CACNA1B: variants seen among roughly 807,000 people sequenced by gnomAD.
CACNA1B encodes voltage-dependent N-type calcium channel subunit alpha-1B.
A neutral mutation model predicts 247.2 loss-of-function variants in CACNA1B; 70 were observed. The observed-to-expected ratio is 0.28, with a 90% CI of 0.23 to 0.35. The LOEUF is 0.35. Ranked by LOEUF, CACNA1B falls within the 10% of genes least tolerant of loss-of-function variation. The pLI, the probability that CACNA1B is intolerant of heterozygous loss-of-function variation, is 1.00. For synonymous variants in CACNA1B, 1,231 were observed against 1,294.4 expected (o/e 0.95, Z 1.05); for missense variants, 2,367 against 3,197.4 (o/e 0.74, Z 6.26).
chr9:137,999,952 T>A (rs1275011453), intron 15 of CACNA1B, among the ~76,000 whole-genome samples: 1 of 152,170 alleles, frequency 6.6e-6, no homozygotes, highest in African/African-American at 2.4e-5. Context: ...TAGATAATTG[T>A]ACAGCGACTG....
At chr9:138,004,547 C>G (rs1958622694) in intron 15 of CACNA1B, among the ~76,000 whole-genome samples, 1 of 131,730 alleles carries the variant, frequency 7.6e-6, no homozygotes, top group Non-Finnish European at 1.6e-5. Context: ...AAGACCCTGT[C>G]TCAAAAAAAA....
chr9:137,986,491 C>T lies in CACNA1B; in HGVS notation c.1848C>T (p.Leu616=), dbSNP rs758232180. 2.5e-6 allele frequency: 4 copies of T among 1,613,946 alleles called. No homozygotes were observed. The highest frequency in any genetic ancestry group is 2.2e-5 in the East Asian group (1 of 44,868). ...CCATCATCAGCCTGCTCTTCTTGCT[C>T]TTCCTGTTCATTGTGGTCTTCGCCC... ...MKSIISLLFL[L]FLFIVVFALL... is the part of the protein sequence containing the mutation. Residue 616 remains leucine (L), a synonymous_variant, in exon 14 of 47, where the codon CTC becomes CTT. Transcript: ENST00000371372. This position sits in a 1 kb window ranked among gnomAD's most constrained non-coding sequence, Gnocchi z 6.0.
At chr9:138,080,387 G>A (rs1960486965) in intron 36 of CACNA1B, among the ~76,000 whole-genome samples, 1 of 152,170 alleles carries the variant, frequency 6.6e-6, no homozygotes, top group Non-Finnish European at 1.5e-5. Context: ...TGTGTGAGGT[G>A]GAGACTCGGG....
rs1186400364 is a variant in CACNA1B at position 138,020,313 on chromosome 9, C to T, written c.2268-2698C>T. On this transcript the variant is annotated intron_variant, in intron 18 of 46. Transcript: ENST00000371372. This position sits in a 1 kb window ranked among gnomAD's most constrained non-coding sequence, Gnocchi z 4.1. ...CCCTGGAACAGCTGGGTTGTGCCTA[C>T]CAGCTGAGGCCAGGACACAGGGGTG... 6.6e-6 allele frequency among the ~76,000 whole-genome samples: 1 copy of T among 152,168 alleles called. No individual in the cohort carries two copies. The highest frequency in any genetic ancestry group is 2.4e-5 in the African/African-American group (1 of 41,434).
Position 138,122,594 on chromosome 9 carries a change from C to T in CACNA1B, c.*595C>T, listed in dbSNP as rs950927112. 1.3e-5 allele frequency: 2 copies of T among 152,954 alleles called. No individual in the cohort carries two copies. The highest frequency in any genetic ancestry group is 2.9e-5 in the Non-Finnish European group (2 of 68,594). 9.5% of individuals were successfully genotyped at this position (152,954 alleles called of 1,614,324 possible). A position where few individuals can be genotyped will look rare whatever the true frequency, so the allele number is the denominator to read the frequency against. On this transcript the variant is annotated 3_prime_UTR_variant, in exon 47 of 47. Transcript: ENST00000371372. ...CTGTGGTTGTGATTTTTAATTGCAACACCTCTCATTCTTGTCACTTCTATA... is the reference window on the plus strand; with the variant it reads ...CTGTGGTTGTGATTTTTAATTGCAATACCTCTCATTCTTGTCACTTCTATA...
chr9:138,097,082 C>T (rs1374645297), intron 37 of CACNA1B, among the ~76,000 whole-genome samples: 2 of 151,894 alleles, frequency 1.3e-5, no homozygotes, highest in Non-Finnish European at 2.9e-5. Flanking sequence ...TCAGGAGTCT[C>T]CCTCTGCTCT....
Position 138,120,191 on chromosome 9 carries a change from G to A in CACNA1B, c.6057G>A (p.Lys2019=). 1 of 1,606,964 alleles carries A rather than the reference G, an allele frequency of 6.2e-7. No homozygotes were observed. The highest frequency in any genetic ancestry group is 1.1e-5 in the South Asian group (1 of 89,298). ...CCGTCACAGATGCCAGCCCCATGAA[G>A]CGCTCCATCTCCACGCTGGCCCAGC... ...TQPVTDASPM[K]RSISTLAQRP... The change falls in exon 45 of 47, where the codon AAG becomes AAA. Residue 2019 remains lysine, a synonymous_variant. Coordinates refer to ENST00000371372, the MANE Select transcript of CACNA1B (RefSeq NM_000718.4).
rs1411771025 is a variant in CACNA1B at position 138,059,759 on chromosome 9, C to T, written c.4668+22C>T. 1 of 1,388,720 alleles carries T rather than the reference C, an allele frequency of 7.2e-7. No individual in the cohort carries two copies. Among genetic ancestry groups the T allele is most frequent in the Admixed American group, 1.7e-5 (1 of 59,662 alleles). The allele number at this position is 1,388,720 out of a possible 1,614,324, so 86.0% of individuals were successfully genotyped here. On this transcript the variant is annotated intron_variant, in intron 31 of 46. Coordinates refer to ENST00000371372, the MANE Select transcript of CACNA1B (RefSeq NM_000718.4). The surrounding 1 kb of genome is among the most constrained non-coding windows in gnomAD (Gnocchi z 4.2). ...TGCGGTAAGTAGCATTTCTGTCCCT[C>T]CTTCAGGGTCCCCAGGTGGTTTCCT...
At chr9:137,901,056 G>A (rs748531623) in intron 3 of CACNA1B, among the ~76,000 whole-genome samples, 2 of 145,694 alleles carry the variant, frequency 1.4e-5, no homozygotes, top group Non-Finnish European at 3.0e-5. Flanking sequence ...GTGTCCGTGT[G>A]TCTGTGCTGT....
At position 137,986,646 on chromosome 9, in the gene CACNA1B, C is replaced by T. The variant is rs1958365588; in HGVS notation, c.1901+102C>T. ...AGGCTGCCTCCACCCACCTTCCCAC[C>T]AGGAAGGTCCTCAGAGGGGCCAGTG... is the stretch of plus-strand genomic sequence containing the variant. On this transcript the variant is annotated intron_variant, in intron 14 of 46. Coordinates refer to ENST00000371372, the MANE Select transcript of CACNA1B (RefSeq NM_000718.4). This position sits in a 1 kb window ranked among gnomAD's most constrained non-coding sequence, Gnocchi z 6.0. 1.4e-6 allele frequency: 2 copies of T among 1,467,796 alleles called. No individual in the cohort carries two copies. Among genetic ancestry groups the T allele is most frequent in the Non-Finnish European group, 1.9e-6 (2 of 1,051,226 alleles). 90.9% of individuals were successfully genotyped at this position (1,467,796 alleles called of 1,614,324 possible). A position where few individuals can be genotyped will look rare whatever the true frequency, so the allele number is the denominator to read the frequency against.
chr9:138,071,705 A>G (rs1960139747), intron 32 of CACNA1B, among the ~76,000 whole-genome samples: 1 of 151,996 alleles, frequency 6.6e-6, no homozygotes, highest in Non-Finnish European at 1.5e-5. Flanking sequence ...GTTACTCTCC[A>G]CGCACCTCTC....
At position 137,990,863 on chromosome 9, in the gene CACNA1B, C is replaced by T. The variant is rs1224642554; in HGVS notation, c.1974+4009C>T. On this transcript the variant is annotated intron_variant, in intron 15 of 46. Transcript: ENST00000371372. The surrounding 1 kb of genome is among the most constrained non-coding windows in gnomAD (Gnocchi z 4.5). ...CCTGCAAGAGCAAAAACAGTCATTG[C>T]AGTTTGGCTCTCAGGAAGCCCCATT... 1.3e-5 allele frequency among the ~76,000 whole-genome samples: 2 copies of T among 152,194 alleles called. No individual in the cohort carries two copies. Among genetic ancestry groups the T allele is most frequent in the African/African-American group, 4.8e-5 (2 of 41,452 alleles).
Position 138,111,328 on chromosome 9 carries a change from C to T in CACNA1B, c.5429-1070C>T, listed in dbSNP as rs755643472. ...GAATACTCAGGAGTAAAAGGAAACACGCTACAGTTGCGTGTGGCAATGTGT... is the reference window on the plus strand; with the variant it reads ...GAATACTCAGGAGTAAAAGGAAACATGCTACAGTTGCGTGTGGCAATGTGT... On this transcript the variant is annotated intron_variant, in intron 39 of 46. Transcript: ENST00000371372. Among the ~76,000 whole-genome samples the T allele has an allele frequency of 3.3e-4, 50 of 152,358 alleles. 1 individual carries two copies. Among genetic ancestry groups the T allele is most frequent in the Non-Finnish European group, 5.1e-4 (35 of 68,032 alleles).
In CACNA1B at chr9:137,881,696, G is replaced by A. The variant is rs1564869755; in HGVS notation, c.391-1048G>A. ...GGGCCTTTCCCTGCCAGCCCCACGC[G>A]TGTGCTCACGAGGAGTCTTTGGGGT... is the stretch of plus-strand genomic sequence containing the variant. On this transcript the variant is annotated intron_variant, in intron 2 of 46. Transcript: ENST00000371372. This position sits in a 1 kb window ranked among gnomAD's most constrained non-coding sequence, Gnocchi z 4.3. 2.0e-5 allele frequency among the ~76,000 whole-genome samples: 3 copies of A among 152,274 alleles called. No homozygotes were observed. Among genetic ancestry groups the A allele is most frequent in the South Asian group, 2.1e-4 (1 of 4,826 alleles).
chr9:137,939,541 T>C (rs1957707287), intron 6 of CACNA1B, among the ~76,000 whole-genome samples: 2 of 152,090 alleles, frequency 1.3e-5, no homozygotes, highest in Admixed American at 1.3e-4. Context: ...GGCTCACACC[T>C]GTAATCCCAG....
intron 38 of CACNA1B, 45 bp from the exon 39 acceptor site, chr9:138,105,654 G>T (rs200372779): frequency 1.9e-6 from 2 of 1,069,080 alleles, no homozygotes; most frequent in Admixed American, 2.0e-5. Context: ...GGGGTGGGGG[G>T]TGACCCCAGC....
Position 137,913,144 on chromosome 9 carries a change from A to G in CACNA1B, c.531-36A>G. 6.4e-7 allele frequency: 1 copy of G among 1,565,498 alleles called. No homozygotes were observed. Among genetic ancestry groups the G allele is most frequent in the East Asian group, 2.2e-5 (1 of 44,618 alleles). On this transcript the variant is annotated intron_variant, in intron 3 of 46. Coordinates refer to ENST00000371372, the MANE Select transcript of CACNA1B (RefSeq NM_000718.4). This position sits in a 1 kb window ranked among gnomAD's most constrained non-coding sequence, Gnocchi z 5.2. ...TGTCCTCTTCCAGGCTCAATGTGGA[A>G]ACCTTTACTTCCCTTCTTCTCCTTG...
chr9:137,978,836 C>T (rs980931595), intron 12 of CACNA1B, among the ~76,000 whole-genome samples: 5 of 152,078 alleles, frequency 3.3e-5, no homozygotes, highest in East Asian at 3.9e-4. Context: ...TTTCTGGCCT[C>T]GGGGGTAGTG....
Position 138,073,642 on chromosome 9 carries a change from T to C in CACNA1B, c.4791+38T>C. ...GGGGGCCTCCATGCTTTCTGTCCCC[T>C]TCCTCCGTCTTGCTTCCCCTGCCCC... On this transcript the variant is annotated intron_variant, in intron 33 of 46. Transcript: ENST00000371372. The surrounding 1 kb of genome is among the most constrained non-coding windows in gnomAD (Gnocchi z 6.4). The C allele has an allele frequency of 8.6e-7, 1 of 1,167,640 alleles. No homozygotes were observed. Among genetic ancestry groups the C allele is most frequent in the Non-Finnish European group, 1.3e-6 (1 of 773,654 alleles). The allele number at this position is 1,167,640 out of a possible 1,614,324, so 72.3% of individuals were successfully genotyped here.
Sources: allele counts gnomAD v4.1 joint callset (sites outside exome capture counted in the v4.1 genomes callset), GRCh38; gene constraint gnomAD v4.1.1; non-coding constraint Gnocchi (gnomAD v3.1); transcripts MANE v1.5; gene names NCBI Gene and HGNC (gene_info 2026-07-23, HGNC 2026-07-21).